The following SAMD12 variants were observed in gnomAD, a reference collection of about 807,000 sequenced individuals.
The protein encoded by SAMD12 is sterile alpha motif domain containing 12.
A neutral mutation model predicts 15.0 loss-of-function variants in SAMD12; 9 were observed. The ratio of observed to expected loss-of-function variants is 0.60; its 90% confidence interval spans 0.36 to 1.05. The LOEUF is 1.05. Among genes scored for constraint, SAMD12 ranks in the 50% least tolerant of loss-of-function variants. The probability of loss-of-function intolerance (pLI) is 0.01; values close to 1 mark genes in which losing one functional copy is unlikely to be tolerated. For synonymous variants in SAMD12, 86 were observed against 90.1 expected (o/e 0.96, Z 0.25); for missense variants, 230 against 234.2 (o/e 0.98, Z 0.12).
chr8:118,243,245 C>T (rs1694451472), intron 4 of SAMD12, among the ~76,000 whole-genome samples: 2 of 152,042 alleles, frequency 1.3e-5, no homozygotes, highest in South Asian at 4.2e-4. Context: ...TATATCCACA[C>T]TCAATAGTAT....
chr8:118,282,073 T>C (rs567777354), intron 4 of SAMD12: 1 of 346,012 alleles, frequency 2.9e-6, no homozygotes, highest in African/African-American at 2.2e-5. Flanking sequence ...TGAATGACAC[T>C]GGATGGTAAT....
the SAMD12 span, among the ~76,000 whole-genome samples, chr8:118,146,356 TG>T: frequency 6.6e-6 from 1 of 152,180 alleles, no homozygotes; most frequent in Non-Finnish European, 1.5e-5. Context: ...GAGAAGTACA[TG>T]GGGGTAAAGA....
chr8:118,293,891 C>T (rs1038831177), intron 4 of SAMD12, among the ~76,000 whole-genome samples: 2 of 152,162 alleles, frequency 1.3e-5, no homozygotes, highest in African/African-American at 4.8e-5. Context: ...TGTGGTACCC[C>T]TTACCAGTCA....
chr8:118,517,738 G>A (rs1056164021), intron 2 of SAMD12, among the ~76,000 whole-genome samples: 3 of 152,134 alleles, frequency 2.0e-5, no homozygotes, highest in East Asian at 1.9e-4. Context: ...TTACAAGATC[G>A]ACCAGCATTT....
At chr8:118,457,974 T>C (rs1339449298) in intron 2 of SAMD12, among the ~76,000 whole-genome samples, 1 of 152,222 alleles carries the variant, frequency 6.6e-6, no homozygotes, top group Admixed American at 6.5e-5. Flanking sequence ...GGAATCTCAC[T>C]GAGCAATACT....
intron 1 of SAMD12, among the ~76,000 whole-genome samples, chr8:118,610,348 C>G (rs998343858): frequency 1.6e-4 from 25 of 152,134 alleles, no homozygotes; most frequent in Non-Finnish European, 2.9e-5. Flanking sequence ...CAAAAGACAA[C>G]TAGCAAATCA....
intron 4 of SAMD12, among the ~76,000 whole-genome samples, chr8:118,342,939 G>A (rs1363428542): frequency 6.6e-6 from 1 of 152,174 alleles, no homozygotes; most frequent in Non-Finnish European, 1.5e-5. Context: ...GTCAAGATAA[G>A]AATGTATATG....
intron 4 of SAMD12, among the ~76,000 whole-genome samples, chr8:118,343,847 T>C (rs1241866510): frequency 4.6e-5 from 7 of 152,304 alleles, no homozygotes; most frequent in African/African-American, 1.7e-4. Flanking sequence ...GACACAAGCT[T>C]TGGATCTGCA....
At chr8:118,547,324 A>T (rs1826160110) in intron 2 of SAMD12, among the ~76,000 whole-genome samples, 1 of 152,128 alleles carries the variant, frequency 6.6e-6, no homozygotes, top group African/African-American at 2.4e-5. Flanking sequence ...CAAATCAAGA[A>T]TGACTTCAGT....
chr8:118,444,542 T>C (rs564544321), intron 2 of SAMD12, among the ~76,000 whole-genome samples: 15 of 152,264 alleles, frequency 9.9e-5, no homozygotes, highest in Admixed American at 2.0e-4. Flanking sequence ...AATTACTTTT[T>C]TTTTTTTTTG....
At chr8:118,554,624 T>C (rs963654853) in intron 2 of SAMD12, among the ~76,000 whole-genome samples, 2 of 151,738 alleles carry the variant, frequency 1.3e-5, no homozygotes, top group African/African-American at 2.4e-5. Flanking sequence ...CATATATACA[T>C]ATGTAACTAA....
intron 4 of SAMD12, among the ~76,000 whole-genome samples, chr8:118,205,864 G>C (rs576122338): frequency 6.6e-6 from 1 of 152,268 alleles, no homozygotes; most frequent in African/African-American, 2.4e-5. Context: ...GAGAACGTGA[G>C]AGAAAAAGAA....
At chr8:118,143,213 G>A in the SAMD12 span, among the ~76,000 whole-genome samples, 1 of 152,138 alleles carries the variant, frequency 6.6e-6, no homozygotes, top group South Asian at 2.1e-4. Context: ...GAGGGGCACA[G>A]TATATCTAAG....
At chr8:118,220,363 T>A (rs1444546062) in intron 4 of SAMD12, among the ~76,000 whole-genome samples, 2 of 152,206 alleles carry the variant, frequency 1.3e-5, no homozygotes, top group African/African-American at 4.8e-5. Flanking sequence ...CTGGCCATGA[T>A]TCTGTATTTT....
At chr8:118,226,223 G>T (rs989788504) in intron 4 of SAMD12, among the ~76,000 whole-genome samples, 16 of 152,162 alleles carry the variant, frequency 1.1e-4, no homozygotes, top group Admixed American at 9.8e-4. Context: ...TTGCTAGCAA[G>T]AAATCATACA....
At chr8:118,314,463 G>A (rs1002876936) in intron 4 of SAMD12, among the ~76,000 whole-genome samples, 2 of 152,056 alleles carry the variant, frequency 1.3e-5, no homozygotes, top group Admixed American at 6.6e-5. Context: ...TATCACATAT[G>A]TGGCTTTGTG....
At chr8:118,343,992 A>T (rs1443966441) in intron 4 of SAMD12, among the ~76,000 whole-genome samples, 1 of 152,242 alleles carries the variant, frequency 6.6e-6, no homozygotes, top group African/African-American at 2.4e-5. Flanking sequence ...TATATGGCAC[A>T]TAGTACATGG....
intron 2 of SAMD12, among the ~76,000 whole-genome samples, chr8:118,494,961 C>G (rs1176012361): frequency 2.6e-5 from 4 of 152,180 alleles, no homozygotes; most frequent in Non-Finnish European, 5.9e-5. Flanking sequence ...AAGCAAGTTT[C>G]ATAAACTTCC....
At chr8:118,510,851 A>G (rs568894147) in intron 2 of SAMD12, among the ~76,000 whole-genome samples, 4 of 152,356 alleles carry the variant, frequency 2.6e-5, no homozygotes, top group African/African-American at 9.6e-5. Context: ...GACTCACAAT[A>G]TTAAGTAGCG....
Sources: gnomAD v4.1 joint callset for allele counts (sites outside exome capture counted in the v4.1 genomes callset) on GRCh38, gnomAD v4.1.1 for gene constraint, MANE v1.5 for transcripts, NCBI Gene and HGNC (gene_info 2026-07-23, HGNC 2026-07-21) for gene names.